The following LHFPL3 variants were observed in gnomAD, a reference collection of about 807,000 sequenced individuals.
The protein encoded by LHFPL3 is LHFPL tetraspan subfamily member 3 protein.
In LHFPL3, 5 loss-of-function variants were observed where a neutral mutation model predicts 19.3. The observed-to-expected ratio is 0.26, with a 90% CI of 0.14 to 0.54. The LOEUF is 0.54. Among genes scored for constraint, LHFPL3 ranks in the 20% least tolerant of loss-of-function variants. The pLI, the probability that LHFPL3 is intolerant of heterozygous loss-of-function variation, is 0.94. For missense variants in LHFPL3, 249 were observed against 307.4 expected (o/e 0.81, Z 1.42); for synonymous variants, 133 against 126.2 (o/e 1.05, Z -0.36).
intron 1 of LHFPL3, among the ~76,000 whole-genome samples, chr7:104,577,646 G>A (rs1028376169): frequency 2.6e-5 from 4 of 152,084 alleles, no homozygotes; most frequent in African/African-American, 7.2e-5. Context: ...GTGTCACTCT[G>A]ATATTGACTG....
intron 1 of LHFPL3, among the ~76,000 whole-genome samples, chr7:104,383,279 T>C (rs1486550637): frequency 6.6e-6 from 1 of 152,242 alleles, no homozygotes; most frequent in East Asian, 1.9e-4. Flanking sequence ...TTTCAGATAG[T>C]GTAAGTACAA....
At chr7:104,384,974 T>C (rs1002726072) in intron 1 of LHFPL3, among the ~76,000 whole-genome samples, 30 of 152,040 alleles carry the variant, frequency 2.0e-4, no homozygotes, top group Admixed American at 6.5e-5. Flanking sequence ...ATTTTACTTA[T>C]ATTTTACAGT....
At chr7:104,832,949 A>G (rs1439022119) in intron 2 of LHFPL3, among the ~76,000 whole-genome samples, 1 of 98,668 alleles carries the variant, frequency 1.0e-5, no homozygotes, top group Non-Finnish European at 1.8e-5. Flanking sequence ...GAGGGACAGA[A>G]CTAATAGGAT....
At chr7:104,643,869 G>C (rs1013863260) in intron 1 of LHFPL3, among the ~76,000 whole-genome samples, 1 of 152,174 alleles carries the variant, frequency 6.6e-6, no homozygotes, top group African/African-American at 2.4e-5. Context: ...ATCCTACGTG[G>C]TGAAACTTGC....
intron 1 of LHFPL3, among the ~76,000 whole-genome samples, chr7:104,615,699 C>T (rs562516868): frequency 6.6e-6 from 1 of 152,062 alleles, no homozygotes; most frequent in South Asian, 2.1e-4. Flanking sequence ...TGACAGGCCC[C>T]AGTGTGTAAT....
At chr7:104,587,192 C>T (rs576036582) in intron 1 of LHFPL3, among the ~76,000 whole-genome samples, 42 of 152,282 alleles carry the variant, frequency 2.8e-4, no homozygotes, top group African/African-American at 9.6e-4. Context: ...CATATGTATA[C>T]ATGTGCCATG....
intron 1 of LHFPL3, among the ~76,000 whole-genome samples, chr7:104,662,481 A>C (rs182881311): frequency 1.3e-5 from 2 of 152,300 alleles, no homozygotes; most frequent in Non-Finnish European, 2.9e-5. Flanking sequence ...AATTTACCCA[A>C]AGTTACACAG....
At chr7:104,711,461 G>C (rs1352687036) in intron 1 of LHFPL3, among the ~76,000 whole-genome samples, 2 of 152,220 alleles carry the variant, frequency 1.3e-5, no homozygotes, top group Non-Finnish European at 2.9e-5. Flanking sequence ...AGTTAGGCTT[G>C]ATTCAAGATG....
chr7:104,659,184 C>T (rs1792176516), intron 1 of LHFPL3, among the ~76,000 whole-genome samples: 1 of 152,238 alleles, frequency 6.6e-6, no homozygotes. Context: ...CAGACTGCAT[C>T]ATGCTGTCCT....
chr7:104,797,932 A>C (rs1452548551), intron 2 of LHFPL3, among the ~76,000 whole-genome samples: 3 of 149,880 alleles, frequency 2.0e-5, no homozygotes, highest in Non-Finnish European at 4.4e-5. Context: ...AAACAAAAAC[A>C]AACCAAACAA....
chr7:104,630,438 A>G (rs747063297), intron 1 of LHFPL3, among the ~76,000 whole-genome samples: 5 of 152,164 alleles, frequency 3.3e-5, no homozygotes, highest in African/African-American at 4.8e-5. Context: ...TAGCGTGCAG[A>G]TTTGGCTGGA....
intron 1 of LHFPL3, among the ~76,000 whole-genome samples, chr7:104,342,869 G>A (rs922223682): frequency 4.6e-5 from 7 of 152,214 alleles, no homozygotes; most frequent in African/African-American, 1.7e-4. Flanking sequence ...TAGCATTACT[G>A]TGGTACTGCT....
At chr7:104,901,643 C>T (rs1208604009) in intron 2 of LHFPL3, among the ~76,000 whole-genome samples, 1 of 152,126 alleles carries the variant, frequency 6.6e-6, no homozygotes, top group Non-Finnish European at 1.5e-5. Flanking sequence ...TCATGGCTCA[C>T]TGCAGCCTCG....
At chr7:104,501,703 G>T (rs978650186) in intron 1 of LHFPL3, among the ~76,000 whole-genome samples, 7 of 152,186 alleles carry the variant, frequency 4.6e-5, no homozygotes, top group African/African-American at 1.7e-4. Context: ...ACAGCCTGGG[G>T]CTCAGATATG....
At chr7:104,783,077 G>A (rs576710521) in intron 2 of LHFPL3, among the ~76,000 whole-genome samples, 2 of 152,348 alleles carry the variant, frequency 1.3e-5, no homozygotes, top group African/African-American at 2.4e-5. Flanking sequence ...AACTTAACTC[G>A]AAATGCAAAT....
chr7:104,565,171 C>A (rs1258140708), intron 1 of LHFPL3, among the ~76,000 whole-genome samples: 1 of 152,110 alleles, frequency 6.6e-6, no homozygotes, highest in Admixed American at 6.5e-5. Flanking sequence ...TTGAAATCAC[C>A]TAAGCATTCA....
intron 1 of LHFPL3, among the ~76,000 whole-genome samples, chr7:104,724,436 G>A (rs1014245531): frequency 6.6e-6 from 1 of 152,144 alleles, no homozygotes; most frequent in African/African-American, 2.4e-5. Flanking sequence ...GCCATCTAAA[G>A]TTTTAAAAGC....
At chr7:104,774,823 G>A (rs1370273760) in intron 2 of LHFPL3, among the ~76,000 whole-genome samples, 11 of 152,204 alleles carry the variant, frequency 7.2e-5, no homozygotes, top group African/African-American at 2.7e-4. Context: ...GGAGCATGCT[G>A]GATTAAAGGC....
At chr7:104,627,740 G>C (rs182085529) in intron 1 of LHFPL3, among the ~76,000 whole-genome samples, 163 of 152,236 alleles carry the variant, frequency 1.1e-3, no homozygotes, top group Non-Finnish European at 1.4e-3. Flanking sequence ...CAGCACCGGG[G>C]ACAGTTCCTT....
Sources: allele counts gnomAD v4.1 joint callset (sites outside exome capture counted in the v4.1 genomes callset), GRCh38; gene constraint gnomAD v4.1.1; transcripts MANE v1.5; gene names NCBI Gene and HGNC (gene_info 2026-07-23, HGNC 2026-07-21).